The following RAB3GAP2 variants were observed in gnomAD, a reference collection of about 807,000 sequenced individuals.
The protein encoded by RAB3GAP2 is rab3 GTPase-activating protein non-catalytic subunit.
In RAB3GAP2, 87 loss-of-function variants were observed where a neutral mutation model predicts 185.3. That is an observed-to-expected ratio of 0.47 (90% CI 0.39 to 0.56). The LOEUF (loss-of-function observed/expected upper bound fraction) is 0.56, where lower values mean the gene tolerates loss of function less well. Among genes scored for constraint, RAB3GAP2 ranks in the 20% least tolerant of loss-of-function variants. The pLI, the probability that RAB3GAP2 is intolerant of heterozygous loss-of-function variation, is 0.00. For missense variants in RAB3GAP2, 1,492 were observed against 1,638.2 expected (o/e 0.91, Z 1.54); for synonymous variants, 554 against 576.1 (o/e 0.96, Z 0.55).
At chr1:220,210,651 T>C in intron 6 of RAB3GAP2, 150 bp downstream of exon 6, 2 of 1,005,738 alleles carry the variant, frequency 2.0e-6, no homozygotes, top group East Asian at 2.6e-5. Context: ...TACCAGAACT[T>C]GCCACGGCCT....
rs941045147 is a variant in RAB3GAP2 at position 220,184,053 on chromosome 1, T to C, written c.1981A>G (p.Thr661Ala). The stretch of plus-strand genomic sequence containing the variant: ...TTACTCACATTATCAGAGAATGGTG[T>C]GTCTAAATGAAAATCAAGGGAATTT... ...QLNSLDFHLD[T>A]PFSDNDLALL... The change falls in exon 19 of 35, where the codon ACA becomes GCA. Residue 661 changes from threonine to alanine, a missense_variant. This residue lies in a region of RAB3GAP2 where 681 missense variants were observed against 689.1 expected (regional missense o/e 0.99). Coordinates refer to ENST00000358951, the MANE Select transcript of RAB3GAP2 (RefSeq NM_012414.4). 3.6e-5 allele frequency: 57 copies of C among 1,579,470 alleles called. No homozygotes were observed. Among genetic ancestry groups the C allele is most frequent in the Non-Finnish European group, 4.4e-5 (51 of 1,150,402 alleles).
chr1:220,203,320 A>G (rs927870989), intron 8 of RAB3GAP2, among the ~76,000 whole-genome samples: 1 of 152,244 alleles, frequency 6.6e-6, no homozygotes, highest in African/African-American at 2.4e-5. Flanking sequence ...GCTACATATT[A>G]GAATATTGCT....
At chr1:220,156,463 A>AATATGTTTTTACATGTAAAACATGTTTT (rs1271470504) in intron 31 of RAB3GAP2, among the ~76,000 whole-genome samples, 5 of 152,216 alleles carry the variant, frequency 3.3e-5, no homozygotes, top group African/African-American at 1.2e-4. Flanking sequence ...GTTACAATAG[A>AATATGTTTTTACATGTAAAACATGTTTT]ATATGTAAAA....
At chr1:220,221,186 T>C (rs1659300546) in intron 2 of RAB3GAP2, among the ~76,000 whole-genome samples, 1 of 152,232 alleles carries the variant, frequency 6.6e-6, no homozygotes, top group African/African-American at 2.4e-5. Context: ...CGAGTTTTTC[T>C]TTTTATGCAC....
At chr1:220,231,231 C>T (rs1412998102) in intron 2 of RAB3GAP2, among the ~76,000 whole-genome samples, 1 of 152,184 alleles carries the variant, frequency 6.6e-6, no homozygotes, top group Non-Finnish European at 1.5e-5. Context: ...TCTTTATGTC[C>T]CTTCAAACTC....
rs777720773 is a variant in RAB3GAP2, at chr1:220,172,605, C to G, written c.2416+32G>C. 5.4e-5 allele frequency: 78 copies of G among 1,450,846 alleles called. 1 individual carries two copies. Among genetic ancestry groups the G allele is most frequent in the South Asian group, 5.0e-4 (44 of 87,766 alleles). 89.9% of individuals were successfully genotyped at this position (1,450,846 alleles called of 1,614,324 possible). On this transcript the variant is annotated intron_variant, in intron 22 of 34. Coordinates refer to ENST00000358951, the MANE Select transcript of RAB3GAP2 (RefSeq NM_012414.4). ...TTTTTGTGACATTTCAAACACGAAA[C>G]TTTGTTGACGAGAGCAACAAACTTT...
At chr1:220,173,063 C>T (rs910892610) in intron 21 of RAB3GAP2, among the ~76,000 whole-genome samples, 4 of 152,184 alleles carry the variant, frequency 2.6e-5, no homozygotes, top group African/African-American at 9.6e-5. Context: ...CATAGATCTG[C>T]TGTTGATGAA....
intron 24 of RAB3GAP2, among the ~76,000 whole-genome samples, chr1:220,168,865 G>A (rs6685622): frequency 1.6e-3 from 246 of 152,144 alleles, no homozygotes; most frequent in Middle Eastern, 6.8e-3. Flanking sequence ...GTTTATTATC[G>A]AAAACAAATT....
chr1:220,168,651 C>T (rs1274262272), intron 24 of RAB3GAP2, among the ~76,000 whole-genome samples: 2 of 151,980 alleles, frequency 1.3e-5, no homozygotes, highest in Non-Finnish European at 2.9e-5. Flanking sequence ...CCTGCCTCAG[C>T]GTCCCAAAAT....
chr1:220,201,731 C>A (rs1322028908), intron 9 of RAB3GAP2, among the ~76,000 whole-genome samples: 2 of 152,096 alleles, frequency 1.3e-5, no homozygotes, highest in Non-Finnish European at 2.9e-5. Context: ...AACTTCTGGC[C>A]TCATGTGATC....
intron 1 of RAB3GAP2, among the ~76,000 whole-genome samples, chr1:220,239,327 C>T (rs1013204390): frequency 1.2e-4 from 19 of 152,074 alleles, no homozygotes; most frequent in African/African-American, 3.4e-4. Flanking sequence ...ATCTCCCAGG[C>T]GCAAGCAGTT....
At chr1:220,191,396 T>TAA (rs1172877515) in intron 13 of RAB3GAP2, 112 bp from the exon 14 acceptor site, 1 of 686,134 alleles carries the variant, frequency 1.5e-6, no homozygotes. Context: ...AGAAAAGCTA[T>TAA]AAAAGTATAT....
intron 26 of RAB3GAP2, among the ~76,000 whole-genome samples, chr1:220,165,813 C>T (rs1658051825): frequency 6.6e-6 from 1 of 152,114 alleles, no homozygotes; most frequent in Non-Finnish European, 1.5e-5. Flanking sequence ...AACATTGAAA[C>T]GAAGAGTTCA....
At chr1:220,165,363 G>A (rs182844224) in intron 26 of RAB3GAP2, among the ~76,000 whole-genome samples, 1 of 151,504 alleles carries the variant, frequency 6.6e-6, no homozygotes, top group East Asian at 1.9e-4. Flanking sequence ...AAGCAGGAAG[G>A]AAATATGAAA....
At chr1:220,267,835 T>A (rs1660256436) in intron 1 of RAB3GAP2, 1 of 1,192,980 alleles carries the variant, frequency 8.4e-7, no homozygotes, top group East Asian at 2.3e-5. Flanking sequence ...AATTGCTGAG[T>A]CACGAGAACA....
chr1:220,149,171 T>TTGA lies in RAB3GAP2; in HGVS notation c.*2077_*2079dup, dbSNP rs1316474177. On this transcript the variant is annotated 3_prime_UTR_variant, in exon 35 of 35. Transcript: ENST00000358951. ...TCAGATTTATTTATTTTAAAAGCCC[T>TTGA]TGATAAGTAGTAAAATATTTAACTG... 3 of 152,224 alleles carry TTGA rather than the reference T, an allele frequency of 2.0e-5. No individual in the cohort carries two copies. The highest frequency in any genetic ancestry group is 7.2e-5 in the African/African-American group (3 of 41,462). The allele number at this position is 152,224 out of a possible 1,614,324, so 9.4% of individuals were successfully genotyped here.
intron 1 of RAB3GAP2, among the ~76,000 whole-genome samples, chr1:220,242,804 C>A (rs1659720319): frequency 6.6e-6 from 1 of 152,052 alleles, no homozygotes. Context: ...AACAGAAGAT[C>A]CAAAAATACA....
In RAB3GAP2 at chr1:220,202,361, G is replaced by A; in HGVS notation, c.726C>T (p.Gly242=). 1 of 1,613,496 alleles carries A rather than the reference G, an allele frequency of 6.2e-7. No homozygotes were observed. The highest frequency in any genetic ancestry group is 1.1e-5 in the South Asian group (1 of 91,060). ...ATGGTGGTGGTTGTATGTTCTCATTGCCTGATGCTGCAGCTACCAAAGATA... is the reference window on the plus strand; with the variant it reads ...ATGGTGGTGGTTGTATGTTCTCATTACCTGATGCTGCAGCTACCAAAGATA... ...RNQVAKAAAS[G]NENIQPPPLA... is the part of the protein sequence containing the mutation. Residue 242 remains glycine (G), a synonymous_variant, in exon 9 of 35, where the codon GGC becomes GGT. Coordinates refer to ENST00000358951, the MANE Select transcript of RAB3GAP2 (RefSeq NM_012414.4).
chr1:220,162,397 A>G, intron 27 of RAB3GAP2, 129 bp from the exon 28 acceptor site: 1 of 657,220 alleles, frequency 1.5e-6, no homozygotes, highest in Non-Finnish European at 2.7e-6. Flanking sequence ...ATCTCATGTA[A>G]TATTTATAAA....
Sources: gnomAD v4.1 joint callset for allele counts (sites outside exome capture counted in the v4.1 genomes callset) on GRCh38, gnomAD v4.1.1 for gene constraint, gnomAD v4.1.1 regional missense constraint, MANE v1.5 for transcripts, NCBI Gene and HGNC (gene_info 2026-07-23, HGNC 2026-07-21) for gene names.